The following PLA2G4E variants were observed in gnomAD, a reference collection of about 807,000 sequenced individuals.
PLA2G4E encodes phospholipase A2 group IVE.
PLA2G4E carries 84 observed loss-of-function variants against 109.1 expected under a neutral mutation model. The ratio of observed to expected loss-of-function variants is 0.77; its 90% confidence interval spans 0.65 to 0.92. The LOEUF (loss-of-function observed/expected upper bound fraction) is 0.92, where lower values mean the gene tolerates loss of function less well. Ranked by LOEUF, PLA2G4E falls within the 40% of genes least tolerant of loss-of-function variation. PLA2G4E has a pLI of 0.00. For missense variants in PLA2G4E, 1,057 were observed against 1,076.6 expected (o/e 0.98, Z 0.25); for synonymous variants, 469 against 436.1 (o/e 1.08, Z -0.94).
At chr15:42,040,036 C>T (rs1309255180) in intron 1 of PLA2G4E, among the ~76,000 whole-genome samples, 1 of 152,144 alleles carries the variant, frequency 6.6e-6, no homozygotes, top group Non-Finnish European at 1.5e-5. Context: ...AATAAATGTA[C>T]TTTAAAGCCA....
In PLA2G4E at chr15:41,995,340, A is replaced by G. The variant is rs750174314; in HGVS notation, c.1247+20T>C. On this transcript the variant is annotated intron_variant, in intron 12 of 19. Transcript: ENST00000399518. ...GTGGCTTGCCCTGGGCTCCACAGAC[A>G]GTGGCTCATGTCTCCTTACCAGGTG... The G allele has an allele frequency of 1.9e-6, 3 of 1,607,226 alleles. No homozygotes were observed. Among genetic ancestry groups the G allele is most frequent in the East Asian group, 2.2e-5 (1 of 44,702 alleles).
At chr15:42,008,212 C>T (rs984556469) in intron 2 of PLA2G4E, among the ~76,000 whole-genome samples, 1 of 152,220 alleles carries the variant, frequency 6.6e-6, no homozygotes, top group Non-Finnish European at 1.5e-5. Flanking sequence ...AAGACCAGTC[C>T]CCAAGGGTCC....
chr15:41,997,351 C>T lies in PLA2G4E; in HGVS notation c.975-92G>A. The T allele has an allele frequency of 2.2e-6, 3 of 1,341,662 alleles. 1 individual carries two copies. The South Asian group carries it at 5.3e-5, about 24-fold the overall frequency. 83.1% of individuals were successfully genotyped at this position (1,341,662 alleles called of 1,614,324 possible). On this transcript the variant is annotated intron_variant, in intron 10 of 19. Transcript: ENST00000399518. Reference sequence around the variant, plus strand: ...GGGTCCATTGGACCTAGGCTCAAAGCCTACTTCTGCCAGCGACCACTTCTG... The same window carrying T: ...GGGTCCATTGGACCTAGGCTCAAAGTCTACTTCTGCCAGCGACCACTTCTG...
chr15:42,015,946 C>A (rs1302057179), intron 1 of PLA2G4E, among the ~76,000 whole-genome samples: 1 of 152,208 alleles, frequency 6.6e-6, no homozygotes, highest in Non-Finnish European at 1.5e-5. Context: ...AGCCCCTTCG[C>A]TGAGAGTTTT....
chr15:41,990,368 C>T, intron 13 of PLA2G4E, 133 bp from the exon 14 acceptor site: 1 of 722,736 alleles, frequency 1.4e-6, no homozygotes, highest in Non-Finnish European at 2.3e-6. Flanking sequence ...TGTATCGGCC[C>T]CAGCTGACAC....
chr15:42,024,586 C>G (rs964871655), intron 1 of PLA2G4E, among the ~76,000 whole-genome samples: 2 of 152,174 alleles, frequency 1.3e-5, no homozygotes, highest in African/African-American at 4.8e-5. Flanking sequence ...GATGCCACTC[C>G]CCTGTGGGCC....
At chr15:41,996,397 C>T (rs1246829285) in intron 11 of PLA2G4E, among the ~76,000 whole-genome samples, 1 of 140,424 alleles carries the variant, frequency 7.1e-6, no homozygotes, top group East Asian at 2.3e-4. Flanking sequence ...GGAAGGGGCT[C>T]TTTGTCAAGA....
At chr15:42,028,403 A>ATTTCTTTATTTATTTC (rs67875687) in intron 1 of PLA2G4E, among the ~76,000 whole-genome samples, 4 of 145,036 alleles carry the variant, frequency 2.8e-5, no homozygotes, top group South Asian at 2.2e-4. Flanking sequence ...TTATTTATTT[A>ATTTCTTTATTTATTTC]TTTATTTATT....
intron 1 of PLA2G4E, among the ~76,000 whole-genome samples, chr15:42,018,055 A>G (rs1261402932): frequency 6.6e-6 from 1 of 152,240 alleles, no homozygotes; most frequent in Admixed American, 6.5e-5. Flanking sequence ...GCTGGGAGGA[A>G]GGTGGCAGGA....
chr15:41,986,465 C>A (rs912199246), intron 17 of PLA2G4E, among the ~76,000 whole-genome samples: 2 of 152,054 alleles, frequency 1.3e-5, no homozygotes, highest in African/African-American at 4.8e-5. Context: ...CTGCTTACCA[C>A]TTGGGGGTTC....
intron 1 of PLA2G4E, among the ~76,000 whole-genome samples, chr15:42,024,839 G>A (rs2068679219): frequency 6.6e-6 from 1 of 152,178 alleles, no homozygotes; most frequent in Admixed American, 6.5e-5. Flanking sequence ...CCCAGGAGCA[G>A]CTCTACGTAT....
intron 10 of PLA2G4E, chr15:41,998,048 G>C (rs2068370127): frequency 6.6e-6 from 1 of 152,218 alleles, no homozygotes; most frequent in South Asian, 2.1e-4. Flanking sequence ...TCCTGTTTCC[G>C]GGTCTTGGCA....
chr15:42,023,766 C>G (rs575686757), intron 1 of PLA2G4E, among the ~76,000 whole-genome samples: 1 of 152,162 alleles, frequency 6.6e-6, no homozygotes, highest in African/African-American at 2.4e-5. Context: ...ACTGAAGAAG[C>G]CCAGCCACAA....
chr15:41,989,381 C>T (rs994163394), intron 15 of PLA2G4E, 34 bp downstream of exon 15: 2 of 1,612,618 alleles, frequency 1.2e-6, no homozygotes, highest in African/African-American at 1.3e-5. Context: ...TGGGCAGCAG[C>T]CCCCTGTCAT....
intron 5 of PLA2G4E, among the ~76,000 whole-genome samples, chr15:42,004,418 A>AAGGC (rs10672361): frequency 0.75 from 113,918 of 150,902 alleles, 44,068 homozygotes; most frequent in Non-Finnish European, 0.86. Flanking sequence ...AGAAGGAAGG[A>AAGGC]AGGCAGGCAG....
chr15:42,048,563 C>A (rs1016000088), intron 1 of PLA2G4E, among the ~76,000 whole-genome samples: 4 of 152,314 alleles, frequency 2.6e-5, no homozygotes, highest in African/African-American at 9.6e-5. Flanking sequence ...GCCATGGGTA[C>A]AGCCTCATAT....
intron 6 of PLA2G4E, among the ~76,000 whole-genome samples, chr15:42,001,680 C>G (rs4923921): frequency 0.17 from 25,178 of 152,070 alleles, 2,392 homozygotes; most frequent in East Asian, 0.33. Flanking sequence ...AATAGCTGTA[C>G]CAACAGCCGA....
In PLA2G4E at chr15:41,986,271, G is replaced by C. The variant is rs1487145512; in HGVS notation, c.2036-266C>G. 3.9e-5 allele frequency among the ~76,000 whole-genome samples: 6 copies of C among 152,228 alleles called. No individual in the cohort carries two copies. In the South Asian group the frequency reaches 1.2e-3, roughly 31 times the overall value. ...AAATAGTGTAAACCCTGGGCCCTGA[G>C]TCAGCTGTCCCATTGGCCCCAGATG... On this transcript the variant is annotated intron_variant, in intron 17 of 19. Coordinates refer to ENST00000399518, the Ensembl canonical transcript of PLA2G4E.
Position 42,001,599 on chromosome 15 carries a change from C to T in PLA2G4E, c.610-379G>A, listed in dbSNP as rs181442537. ...AGGCAGATCATACTCCTTTGCCACA[C>T]ATTCCCAAAGACTCTTCTTTTTGAG... is the stretch of plus-strand genomic sequence containing the variant. On this transcript the variant is annotated intron_variant, in intron 6 of 19. Transcript: ENST00000399518. Among the ~76,000 whole-genome samples, 266 of 152,342 alleles carry T rather than the reference C, an allele frequency of 1.7e-3. 3 individuals carry two copies. Among genetic ancestry groups the T allele is most frequent in the African/African-American group, 6.0e-3 (249 of 41,580 alleles).
Sources: gnomAD v4.1 joint callset for allele counts (sites outside exome capture counted in the v4.1 genomes callset) on GRCh38, gnomAD v4.1.1 for gene constraint, MANE v1.5 for transcripts, NCBI Gene and HGNC (gene_info 2026-07-23, HGNC 2026-07-21) for gene names.